The following CSMD1 variants were observed in gnomAD, a reference collection of about 807,000 sequenced individuals.
CSMD1 encodes the protein CUB and sushi domain-containing protein 1.
A neutral mutation model predicts 417.5 loss-of-function variants in CSMD1; 213 were observed. That is an observed-to-expected ratio of 0.51 (90% CI 0.46 to 0.57). CSMD1 has a LOEUF of 0.57. Ranked by LOEUF, CSMD1 falls within the 20% of genes least tolerant of loss-of-function variation. The probability of loss-of-function intolerance (pLI) is 0.00; values close to 1 mark genes in which losing one functional copy is unlikely to be tolerated. For missense variants in CSMD1, 6,923 were observed against 4,529.7 expected (o/e 1.53, Z -15.17); for synonymous variants, 2,862 against 1,736.8 (o/e 1.65, Z -16.11).
intron 1 of CSMD1, among the ~76,000 whole-genome samples, chr8:4,724,520 A>ATATG (rs1310632825): frequency 5.5e-5 from 8 of 145,216 alleles, no homozygotes; most frequent in African/African-American, 1.3e-4. Context: ...TTATATATAT[A>ATATG]TGTGTGTGTG....
chr8:4,384,989 C>G (rs559459622), intron 3 of CSMD1, among the ~76,000 whole-genome samples: 1 of 152,150 alleles, frequency 6.6e-6, no homozygotes, highest in African/African-American at 2.4e-5. Context: ...GGCGCAATCT[C>G]GATCTCGGCT....
intron 2 of CSMD1, among the ~76,000 whole-genome samples, chr8:4,440,715 G>T (rs1035971837): frequency 6.6e-6 from 1 of 152,088 alleles, no homozygotes; most frequent in Non-Finnish European, 1.5e-5. Flanking sequence ...ATTAATTCTG[G>T]CCGGGTGTGG....
chr8:3,436,179 G>A (rs898957988), intron 12 of CSMD1, among the ~76,000 whole-genome samples: 4 of 152,094 alleles, frequency 2.6e-5, no homozygotes, highest in East Asian at 3.9e-4. Context: ...GAACATCAAG[G>A]CTAAGATACC....
intron 1 of CSMD1, among the ~76,000 whole-genome samples, chr8:4,920,932 GAGAAAGAAAGAAAGAAAGAA>G (rs1182053483): frequency 7.4e-5 from 2 of 27,140 alleles, no homozygotes; most frequent in South Asian, 2.0e-3. Flanking sequence ...AAAAGAAAGA[GAGAAAGAAAGAAAGAAAGAA>G]AGAAAGAAAG....
intron 26 of CSMD1, among the ~76,000 whole-genome samples, chr8:3,230,841 C>A (rs1295886010): frequency 6.6e-6 from 1 of 152,100 alleles, no homozygotes; most frequent in Admixed American, 6.5e-5. Context: ...CTAATATTAA[C>A]AAAAGCTCTG....
chr8:4,486,224 TAC>T (rs1157991592), intron 2 of CSMD1, among the ~76,000 whole-genome samples: 5 of 13,588 alleles, frequency 3.7e-4, no homozygotes, highest in African/African-American at 1.3e-3. Context: ...TATATATATA[TAC>T]ATACATATAT....
At chr8:4,583,031 C>T (rs1799504410) in intron 2 of CSMD1, among the ~76,000 whole-genome samples, 1 of 152,228 alleles carries the variant, frequency 6.6e-6, no homozygotes. Context: ...CGGCGCTGTG[C>T]TCGACTTCTC....
At chr8:3,455,758 A>G (rs899512353) in intron 12 of CSMD1, among the ~76,000 whole-genome samples, 10 of 152,240 alleles carry the variant, frequency 6.6e-5, no homozygotes, top group East Asian at 1.9e-4. Context: ...CTCAGGGGTC[A>G]GGGACCCACT....
chr8:3,308,247 G>T (rs1805041203), intron 24 of CSMD1, 65 bp downstream of exon 24: 12 of 1,259,326 alleles, frequency 9.5e-6, no homozygotes, highest in Non-Finnish European at 1.3e-5. Context: ...GGAAGTCAAT[G>T]CAACATGGTG....
chr8:3,048,999 C>T (rs1811642135), intron 50 of CSMD1, among the ~76,000 whole-genome samples: 1 of 151,892 alleles, frequency 6.6e-6, no homozygotes, highest in African/African-American at 2.4e-5. Context: ...CATCATGCAT[C>T]ATCAGAGTAT....
intron 7 of CSMD1, among the ~76,000 whole-genome samples, chr8:3,701,848 A>C (rs1289457199): frequency 6.6e-6 from 1 of 152,198 alleles, no homozygotes; most frequent in Admixed American, 6.5e-5. Context: ...GAGCCACAAC[A>C]AAAGCCAGAG....
At chr8:4,020,406 T>C (rs1258187008) in intron 4 of CSMD1, among the ~76,000 whole-genome samples, 1 of 152,206 alleles carries the variant, frequency 6.6e-6, no homozygotes, top group Non-Finnish European at 1.5e-5. Flanking sequence ...GAGCATGACA[T>C]CTGTTCAAAA....
intron 4 of CSMD1, among the ~76,000 whole-genome samples, chr8:3,998,659 T>G (rs1025697944): frequency 1.3e-5 from 2 of 152,088 alleles, no homozygotes; most frequent in Admixed American, 6.6e-5. Flanking sequence ...TAGAAAACAG[T>G]TACATGAAAC....
At chr8:4,689,631 G>A (rs1040977297) in intron 1 of CSMD1, among the ~76,000 whole-genome samples, 2 of 152,178 alleles carry the variant, frequency 1.3e-5, no homozygotes, top group Non-Finnish European at 2.9e-5. Context: ...CAGAAAAGGT[G>A]TAAGACAAAG....
intron 3 of CSMD1, among the ~76,000 whole-genome samples, chr8:4,225,012 T>C (rs1292785293): frequency 1.3e-5 from 2 of 152,156 alleles, no homozygotes; most frequent in African/African-American, 4.8e-5. Flanking sequence ...TTGGGGAGGC[T>C]GAGGCAAGAC....
At chr8:4,112,657 C>G (rs1801919159) in intron 3 of CSMD1, among the ~76,000 whole-genome samples, 1 of 152,172 alleles carries the variant, frequency 6.6e-6, no homozygotes. Context: ...TGCCCCAAAT[C>G]CCACAAACCC....
intron 2 of CSMD1, among the ~76,000 whole-genome samples, chr8:4,437,199 T>A (rs1267712095): frequency 2.6e-5 from 4 of 152,162 alleles, no homozygotes; most frequent in African/African-American, 9.7e-5. Context: ...TCTCAACAAA[T>A]CAAATCAATG....
At chr8:4,196,138 G>A (rs972141977) in intron 3 of CSMD1, among the ~76,000 whole-genome samples, 3 of 152,212 alleles carry the variant, frequency 2.0e-5, no homozygotes, top group South Asian at 2.1e-4. Context: ...TTGAACCCGG[G>A]AAGTGGAGCT....
intron 46 of CSMD1, among the ~76,000 whole-genome samples, chr8:3,100,523 C>G (rs1437217071): frequency 3.3e-5 from 5 of 152,196 alleles, no homozygotes; most frequent in African/African-American, 1.2e-4. Context: ...TAGCAGCAAT[C>G]ACACATTAGA....
Sources: allele counts gnomAD v4.1 joint callset (sites outside exome capture counted in the v4.1 genomes callset), GRCh38; gene constraint gnomAD v4.1.1; transcripts MANE v1.5; gene names NCBI Gene and HGNC (gene_info 2026-07-23, HGNC 2026-07-21).